The following FAF1 variants were observed in gnomAD, a reference collection of about 807,000 sequenced individuals.
FAF1 encodes Fas associated factor 1.
A neutral mutation model predicts 92.5 loss-of-function variants in FAF1; 25 were observed. The observed-to-expected ratio is 0.27, with a 90% CI of 0.20 to 0.38. The LOEUF is 0.38. Among genes scored for constraint, FAF1 ranks in the 10% least tolerant of loss-of-function variants. The pLI is 1.00. For synonymous variants in FAF1, 234 were observed against 273.2 expected (o/e 0.86, Z 1.42); for missense variants, 636 against 793.3 (o/e 0.80, Z 2.38).
intron 2 of FAF1, among the ~76,000 whole-genome samples, chr1:50,851,078 T>C (rs571186857): frequency 2.0e-5 from 3 of 150,846 alleles, no homozygotes; most frequent in South Asian, 2.1e-4. Flanking sequence ...TGGAGCAATT[T>C]ACATTTTTTT....
intron 6 of FAF1, among the ~76,000 whole-genome samples, chr1:50,729,002 TTATCTATCTATC>T (rs763620552): frequency 1.0e-4 from 12 of 114,934 alleles, no homozygotes; most frequent in African/African-American, 3.1e-4. Flanking sequence ...AAAGAAAACT[TTATCTATCTATC>T]TATCTATCTA....
chr1:50,554,584 A>G (rs1039172455), intron 13 of FAF1, among the ~76,000 whole-genome samples: 1 of 152,070 alleles, frequency 6.6e-6, no homozygotes, highest in Non-Finnish European at 1.5e-5. Context: ...TTACAAAACG[A>G]AAGAGGAAGA....
chr1:50,867,169 C>G (rs1270104478), intron 1 of FAF1, among the ~76,000 whole-genome samples: 2 of 152,070 alleles, frequency 1.3e-5, no homozygotes, highest in Non-Finnish European at 2.9e-5. Flanking sequence ...CATCTCTCAC[C>G]TTATAAAAAC....
intron 15 of FAF1, among the ~76,000 whole-genome samples, chr1:50,502,012 T>C (rs1254131204): frequency 6.6e-6 from 1 of 152,188 alleles, no homozygotes; most frequent in South Asian, 2.1e-4. Flanking sequence ...ATAAACACTA[T>C]AGAAAGCAGC....
chr1:50,604,850 C>T (rs1356512586), intron 8 of FAF1, among the ~76,000 whole-genome samples: 3 of 152,252 alleles, frequency 2.0e-5, no homozygotes, highest in Non-Finnish European at 1.5e-5. Flanking sequence ...AAAGATGTTA[C>T]AGTTAATTGT....
At chr1:50,798,562 CTGAA>C (rs1186222384) in intron 3 of FAF1, among the ~76,000 whole-genome samples, 3 of 152,166 alleles carry the variant, frequency 2.0e-5, no homozygotes, top group Non-Finnish European at 4.4e-5. Flanking sequence ...CTGTTTATGA[CTGAA>C]TGAATAGTTT....
intron 1 of FAF1, among the ~76,000 whole-genome samples, chr1:50,879,779 C>T (rs1437725173): frequency 6.6e-6 from 1 of 152,130 alleles, no homozygotes; most frequent in African/African-American, 2.4e-5. Context: ...ATCACAATCT[C>T]GGGTTGGGGT....
chr1:50,486,476 T>C (rs1282265018), intron 17 of FAF1, among the ~76,000 whole-genome samples: 2 of 152,200 alleles, frequency 1.3e-5, no homozygotes, highest in Admixed American at 1.3e-4. Context: ...CCAGACAAAA[T>C]GCTCTTCTAC....
chr1:50,842,097 A>C (rs1240941539), intron 2 of FAF1, among the ~76,000 whole-genome samples: 1 of 152,084 alleles, frequency 6.6e-6, no homozygotes, highest in Non-Finnish European at 1.5e-5. Context: ...CTGAACAAAA[A>C]CTTTAAGACT....
intron 8 of FAF1, chr1:50,612,183 T>A: frequency 1.2e-5 from 2 of 170,472 alleles, no homozygotes; most frequent in Non-Finnish European, 2.5e-5. Context: ...ATAGTCACAT[T>A]AACAAAAGCA....
At chr1:50,886,840 C>T (rs1644670266) in intron 1 of FAF1, among the ~76,000 whole-genome samples, 2 of 152,156 alleles carry the variant, frequency 1.3e-5, no homozygotes, top group Non-Finnish European at 2.9e-5. Flanking sequence ...AATAAACATA[C>T]GTGTGCATGT....
intron 2 of FAF1, among the ~76,000 whole-genome samples, chr1:50,844,864 A>T (rs1310749242): frequency 6.6e-6 from 1 of 152,154 alleles, no homozygotes; most frequent in African/African-American, 2.4e-5. Flanking sequence ...CCTGAGCAAG[A>T]TAAATGTTTG....
At chr1:50,639,933 C>CAAA (rs1197342810) in intron 8 of FAF1, among the ~76,000 whole-genome samples, 1 of 70,154 alleles carries the variant, frequency 1.4e-5, no homozygotes, top group South Asian at 5.1e-4. Flanking sequence ...GACTCGATCT[C>CAAA]AAAAAAAAAA....
intron 2 of FAF1, among the ~76,000 whole-genome samples, chr1:50,829,816 G>A (rs897977248): frequency 5.9e-5 from 9 of 152,198 alleles, no homozygotes; most frequent in Admixed American, 2.0e-4. Context: ...TTGTTTAAAC[G>A]TCATGAGCCA....
intron 1 of FAF1, among the ~76,000 whole-genome samples, chr1:50,858,472 T>C (rs1425419617): frequency 2.6e-5 from 4 of 151,868 alleles, no homozygotes; most frequent in Non-Finnish European, 5.9e-5. Context: ...TGGTAGCTGC[T>C]AGACACATGT....
intron 7 of FAF1, among the ~76,000 whole-genome samples, chr1:50,671,190 A>C (rs1655858148): frequency 6.6e-6 from 1 of 152,142 alleles, no homozygotes. Flanking sequence ...AGATCACTGG[A>C]GGTCAGGAGA....
chr1:50,783,062 TATAAC>T (rs1171962639), intron 4 of FAF1, among the ~76,000 whole-genome samples: 4 of 152,116 alleles, frequency 2.6e-5, no homozygotes, highest in Middle Eastern at 6.8e-3. Flanking sequence ...TAAAAATAAT[TATAAC>T]AGACTACTAT....
rs1381638428 is a variant in FAF1 at position 50,475,634 on chromosome 1, C to T, written c.1699G>A (p.Glu567Lys). The T allele has an allele frequency of 1.2e-6, 2 of 1,614,056 alleles. No homozygotes were observed. The highest frequency in any genetic ancestry group is 3.3e-5 in the Admixed American group (2 of 60,014). ...LEQALPPEPK[E>K]ENAEPVSKLR... ...TTGCTCACAGGCTCAGCATTTTCTT[C>T]CTTTGGCTCAGGAGGCAGGGCTTGC... Residue 567 changes from glutamate to lysine, a missense_variant, in exon 18 of 19, where the codon GAA becomes AAA. By Grantham distance (56) the Glu-to-Lys change is moderately conservative. Around this residue, in one of 2 missense-constraint regions of FAF1, gnomAD observed 319 missense variants for 451.0 expected, o/e 0.71. Coordinates refer to ENST00000396153, the MANE Select transcript of FAF1 (RefSeq NM_007051.3).
intron 17 of FAF1, among the ~76,000 whole-genome samples, chr1:50,485,674 A>AC (rs1646757403): frequency 6.7e-6 from 1 of 148,816 alleles, no homozygotes; most frequent in Middle Eastern, 3.2e-3. Context: ...TCTCAAAAAA[A>AC]AAAAAAAAAA....
Sources: gnomAD v4.1 joint callset for allele counts (sites outside exome capture counted in the v4.1 genomes callset) on GRCh38, gnomAD v4.1.1 for gene constraint, gnomAD v4.1.1 regional missense constraint, MANE v1.5 for transcripts, NCBI Gene and HGNC (gene_info 2026-07-23, HGNC 2026-07-21) for gene names.